The following CHN1 variants were observed in gnomAD, a reference collection of about 807,000 sequenced individuals.
CHN1 encodes the protein chimerin 1, also known as N-chimaerin.
A neutral mutation model predicts 59.5 loss-of-function variants in CHN1; 37 were observed. The ratio of observed to expected loss-of-function variants is 0.62; its 90% confidence interval spans 0.48 to 0.82. The LOEUF is 0.82. Ranked by LOEUF, CHN1 falls within the 40% of genes least tolerant of loss-of-function variation. CHN1 has a pLI of 0.00. For synonymous variants in CHN1, 206 were observed against 200.4 expected (o/e 1.03, Z -0.24); for missense variants, 469 against 571.0 (o/e 0.82, Z 1.82).
At position 174,981,685 on chromosome 2, in the gene CHN1, G is replaced by C. The variant is rs77145653; in HGVS notation, c.19+23209C>G. On this transcript the variant is annotated intron_variant, in intron 1 of 12. Coordinates refer to ENST00000409900, the MANE Select transcript of CHN1 (RefSeq NM_001822.7). ...GTTTTCCATAAGTAACAGTTCATCA[G>C]CATTTTGCCCATTAACTTAGGAAGC... Among the ~76,000 whole-genome samples, 561 of 152,168 alleles carry C rather than the reference G, an allele frequency of 3.7e-3. 6 individuals carry two copies. Among genetic ancestry groups the C allele is most frequent in the African/African-American group, 0.012 (515 of 41,522 alleles).
intron 7 of CHN1, among the ~76,000 whole-genome samples, chr2:174,827,764 G>A (rs1249486306): frequency 6.6e-6 from 1 of 152,202 alleles, no homozygotes; most frequent in African/African-American, 2.4e-5. Flanking sequence ...AGAATCAACA[G>A]CGCTTGGTAA....
chr2:174,844,186 A>G (rs768983908), intron 7 of CHN1, among the ~76,000 whole-genome samples: 18 of 140,154 alleles, frequency 1.3e-4, no homozygotes, highest in East Asian at 4.1e-4. Flanking sequence ...TCAAATCCTT[A>G]TAAGTAACAA....
chr2:174,953,707 C>CA (rs36045646), intron 1 of CHN1, among the ~76,000 whole-genome samples: 3 of 151,720 alleles, frequency 2.0e-5, no homozygotes, highest in African/African-American at 4.8e-5. Flanking sequence ...AAACAAAAAC[C>CA]AAAAAAACTT....
chr2:174,855,439 C>T (rs1686872210), intron 6 of CHN1, among the ~76,000 whole-genome samples: 1 of 152,138 alleles, frequency 6.6e-6, no homozygotes, highest in Admixed American at 6.6e-5. Context: ...AATTGAGGCA[C>T]AAACAACACA....
In CHN1 at chr2:174,809,785, T is replaced by C. The variant is rs966141554; in HGVS notation, c.965-743A>G. ...CTGTTTCCTGATTGTTTCTTTACTT[T>C]CTGCTCTTGCCTCCAGCAGACTAGG... On this transcript the variant is annotated intron_variant, in intron 10 of 12. Coordinates refer to ENST00000409900, the MANE Select transcript of CHN1 (RefSeq NM_001822.7). Among the ~76,000 whole-genome samples, 4 of 152,246 alleles carry C rather than the reference T, an allele frequency of 2.6e-5. No individual in the cohort carries two copies. In the East Asian group the frequency reaches 7.7e-4, roughly 29 times the overall value.
chr2:174,806,312 C>T (rs1684883816), intron 11 of CHN1, among the ~76,000 whole-genome samples: 1 of 152,120 alleles, frequency 6.6e-6, no homozygotes, highest in Admixed American at 6.6e-5. Context: ...CAGGTTCCTC[C>T]AAGAAAGCTG....
At chr2:174,970,281 T>TA (rs1399330612) in intron 1 of CHN1, among the ~76,000 whole-genome samples, 2 of 152,232 alleles carry the variant, frequency 1.3e-5, no homozygotes, top group Non-Finnish European at 2.9e-5. Context: ...TGAGCTGAAC[T>TA]AGCTCCATTT....
intron 6 of CHN1, among the ~76,000 whole-genome samples, chr2:174,862,838 G>C (rs909406859): frequency 6.6e-6 from 1 of 152,074 alleles, no homozygotes; most frequent in Non-Finnish European, 1.5e-5. Flanking sequence ...TTGTCTTGAG[G>C]AAAAGTATTC....
chr2:174,890,627 T>G (rs1358176632), intron 5 of CHN1, among the ~76,000 whole-genome samples: 1 of 152,084 alleles, frequency 6.6e-6, no homozygotes, highest in Non-Finnish European at 1.5e-5. Flanking sequence ...CATAGTAACA[T>G]AATAGCAGGA....
intron 1 of CHN1, among the ~76,000 whole-genome samples, chr2:174,960,340 TTATGATTAAG>T (rs1401141476): frequency 6.6e-6 from 1 of 152,190 alleles, no homozygotes; most frequent in Non-Finnish European, 1.5e-5. Context: ...GCTTAATCCA[TTATGATTAAG>T]TATGATTAAG....
intron 8 of CHN1, among the ~76,000 whole-genome samples, chr2:174,816,204 T>C (rs1685252389): frequency 6.6e-6 from 1 of 152,070 alleles, no homozygotes; most frequent in African/African-American, 2.4e-5. Context: ...GGCTGAGAGG[T>C]TGCTGCTTCT....
intron 1 of CHN1, among the ~76,000 whole-genome samples, chr2:174,981,711 A>C (rs990959759): frequency 1.3e-5 from 2 of 152,216 alleles, no homozygotes; most frequent in Non-Finnish European, 2.9e-5. Context: ...CTTAGGAAGC[A>C]ATTGTAAATA....
chr2:174,811,991 C>CT (rs1685092304), intron 9 of CHN1: 2 of 260,938 alleles, frequency 7.7e-6, no homozygotes, highest in South Asian at 3.2e-4. Context: ...TATACTTTTG[C>CT]TTTTTGAACC....
chr2:174,879,680 C>T (rs1687674979), intron 5 of CHN1, among the ~76,000 whole-genome samples: 1 of 152,104 alleles, frequency 6.6e-6, no homozygotes, highest in African/African-American at 2.4e-5. Flanking sequence ...AAAGCAACTC[C>T]ATAGCTTTTA....
chr2:174,928,822 C>T (rs2105384989), intron 3 of CHN1, among the ~76,000 whole-genome samples: 1 of 152,296 alleles, frequency 6.6e-6, no homozygotes, highest in East Asian at 1.9e-4. Flanking sequence ...TTATTTTTCT[C>T]ACTGCACTTT....
chr2:174,895,412 T>C (rs1237892881), intron 5 of CHN1, among the ~76,000 whole-genome samples: 1 of 151,998 alleles, frequency 6.6e-6, no homozygotes, highest in East Asian at 1.9e-4. Flanking sequence ...TGGTGGCTGC[T>C]ATGGGGTAGG....
intron 5 of CHN1, among the ~76,000 whole-genome samples, chr2:174,899,854 C>A (rs573459100): frequency 6.6e-6 from 1 of 152,286 alleles, no homozygotes; most frequent in African/African-American, 2.4e-5. Context: ...CATTAGCAAA[C>A]AAATCTTAAG....
At chr2:174,816,120 T>C (rs1200067739) in intron 8 of CHN1, among the ~76,000 whole-genome samples, 5 of 137,444 alleles carry the variant, frequency 3.6e-5, no homozygotes, top group African/African-American at 4.9e-5. Flanking sequence ...GCATAGATGA[T>C]AGAGTTCTCA....
rs71031072 is a variant in CHN1, at chr2:174,847,773, C to CAAAAAAAAAAAAAAAAAAAAAAAAAAA, written c.550-843_550-817dup. On this transcript the variant is annotated intron_variant, in intron 6 of 12. Coordinates refer to ENST00000409900, the MANE Select transcript of CHN1 (RefSeq NM_001822.7). ...AAGTAAGTTTCTTGCTGGCTCAAGG[C>CAAAAAAAAAAAAAAAAAAAAAAAAAAA]AAAAAAAAAAAAAAAAAAAAAAAAA... 17 of 238,422 alleles carry CAAAAAAAAAAAAAAAAAAAAAAAAAAA rather than the reference C, an allele frequency of 7.1e-5. 1 individual carries two copies. Among genetic ancestry groups the CAAAAAAAAAAAAAAAAAAAAAAAAAAA allele is most frequent in the African/African-American group, 3.0e-4 (5 of 16,462 alleles). 14.8% of individuals were successfully genotyped at this position (238,422 alleles called of 1,614,324 possible). A position where few individuals can be genotyped will look rare whatever the true frequency, so the allele number is the denominator to read the frequency against.
Sources: gnomAD v4.1 joint callset for allele counts (sites outside exome capture counted in the v4.1 genomes callset) on GRCh38, gnomAD v4.1.1 for gene constraint, MANE v1.5 for transcripts, NCBI Gene and HGNC (gene_info 2026-07-23, HGNC 2026-07-21) for gene names.